The following TMEM132E variants were observed in gnomAD, a reference collection of about 807,000 sequenced individuals.
TMEM132E encodes transmembrane protein 132E.
TMEM132E carries 49 observed loss-of-function variants against 78.5 expected under a neutral mutation model. The ratio of observed to expected loss-of-function variants is 0.62; its 90% CI spans 0.50 to 0.79. The LOEUF (loss-of-function observed/expected upper bound fraction) is 0.79, where lower values mean the gene tolerates loss of function less well. Ranked by LOEUF, TMEM132E falls within the 30% of genes least tolerant of loss-of-function variation. The pLI, the probability that TMEM132E is intolerant of heterozygous loss-of-function variation, is 0.00. For missense variants in TMEM132E, 1,403 were observed against 1,470.9 expected (o/e 0.95, Z 0.75); for synonymous variants, 715 against 670.6 (o/e 1.07, Z -1.02).
chr17:34,630,049 A>C lies in TMEM132E; in HGVS notation c.1380A>C (p.Thr460=), dbSNP rs1387401922. The change falls in exon 5 of 9, where the codon ACA becomes ACC. Residue 460 remains threonine, a synonymous_variant. Coordinates refer to ENST00000631683, the MANE Select transcript of TMEM132E (RefSeq NM_001304438.2). The part of the protein sequence containing the change: ...IINTAILTGR[T]VAIPVKVIAI... ...ACACGGCCATTCTGACTGGCCGGAC[A>C]GTGGCCATCCCTGTCAAGGTCATTG... is the stretch of plus-strand genomic sequence containing the variant. 2 of 1,612,926 alleles carry C rather than the reference A, an allele frequency of 1.2e-6. No homozygotes were observed. The highest frequency in any genetic ancestry group is 1.7e-5 in the Admixed American group (1 of 59,978).
intron 1 of TMEM132E, among the ~76,000 whole-genome samples, chr17:34,586,594 A>G (rs1185760576): frequency 6.6e-6 from 1 of 152,140 alleles, no homozygotes; most frequent in Non-Finnish European, 1.5e-5. Context: ...GTCCGAGTCC[A>G]GGCATCATTA....
chr17:34,608,374 T>C (rs1906484398), intron 1 of TMEM132E, among the ~76,000 whole-genome samples: 1 of 152,198 alleles, frequency 6.6e-6, no homozygotes, highest in Non-Finnish European at 1.5e-5. Context: ...CTAGCGATGA[T>C]CTTGCACATG....
chr17:34,599,394 G>T (rs971042212), intron 1 of TMEM132E, among the ~76,000 whole-genome samples: 2 of 152,220 alleles, frequency 1.3e-5, no homozygotes, highest in Non-Finnish European at 2.9e-5. Flanking sequence ...CACCTTCAGG[G>T]CTGGTTTATC....
In TMEM132E at chr17:34,638,716, T is replaced by C. The variant is rs553237896; in HGVS notation, c.*484T>C. 1.1e-3 allele frequency: 167 copies of C among 154,446 alleles called. No homozygotes were observed. The Middle Eastern group carries it at 0.014, about 12-fold the overall frequency. The allele number at this position is 154,446 out of a possible 1,614,324, so 9.6% of individuals were successfully genotyped here. On this transcript the variant is annotated 3_prime_UTR_variant, in exon 9 of 9. Coordinates refer to ENST00000631683, the MANE Select transcript of TMEM132E (RefSeq NM_001304438.2). ...ATTCAGGGATTTCTGTCCTGCAGGG[T>C]GGGGAGGTGGCAGCTGCCTGCCCTG...
In TMEM132E at chr17:34,613,205, ACACACACG is replaced by A. The variant is rs1567716001; in HGVS notation, c.68-12920_68-12913del. Among the ~76,000 whole-genome samples the A allele has an allele frequency of 7.0e-3, 725 of 103,574 alleles. 10 individuals are homozygous for A. Among genetic ancestry groups the A allele is most frequent in the African/African-American group, 0.021 (678 of 32,758 alleles). 67.9% of individuals were successfully genotyped at this position (103,574 alleles called of 152,430 possible). ...CACACACACACACACACCCACACAC[ACACACACG>A]CGCGCGCGCGCGCGTTCTTACATTC... is the stretch of plus-strand genomic sequence containing the variant. On this transcript the variant is annotated intron_variant, in intron 1 of 8. Coordinates refer to ENST00000631683, the MANE Select transcript of TMEM132E (RefSeq NM_001304438.2).
At chr17:34,636,868 A>C (rs1907538452) in intron 8 of TMEM132E, among the ~76,000 whole-genome samples, 1 of 152,242 alleles carries the variant, frequency 6.6e-6, no homozygotes, top group Admixed American at 6.5e-5. Flanking sequence ...CTTGAATTAG[A>C]CCCAAGGCAA....
At chr17:34,583,514 C>T (rs1250260322) in intron 1 of TMEM132E, among the ~76,000 whole-genome samples, 1 of 152,234 alleles carries the variant, frequency 6.6e-6, no homozygotes, top group African/African-American at 2.4e-5. Flanking sequence ...ACGTAGCCAC[C>T]CCTTCCCTCT....
rs1444102041 is a variant in TMEM132E at position 34,626,585 on chromosome 17, G to C, written c.526G>C (p.Val176Leu). The change falls in exon 2 of 9, where the codon GTC becomes CTC. Residue 176 changes from valine (V) to leucine (L), a missense_variant. Around this residue, in one of 3 missense-constraint regions of TMEM132E, gnomAD observed 511 missense variants for 499.0 expected, o/e 1.02. Coordinates refer to ENST00000631683, the MANE Select transcript of TMEM132E (RefSeq NM_001304438.2). ...RLHAFRDARE[V>L]KSSCRLSGGL... ...GCATGCCTTCCGGGATGCCCGGGAA[G>C]TCAAGAGCTCCTGCCGCCTCAGCGG... is the stretch of plus-strand genomic sequence containing the variant. 6.4e-7 allele frequency: 1 copy of C among 1,559,772 alleles called. No homozygotes were observed. Among genetic ancestry groups the C allele is most frequent in the East Asian group, 2.3e-5 (1 of 44,222 alleles).
chr17:34,586,792 A>G (rs776780337), intron 1 of TMEM132E, among the ~76,000 whole-genome samples: 1 of 119,882 alleles, frequency 8.3e-6, no homozygotes, highest in Non-Finnish European at 1.7e-5. Flanking sequence ...GAGTGCAAGG[A>G]TGAATAATTC....
chr17:34,632,542 G>A lies in TMEM132E; in HGVS notation c.1483-162G>A, dbSNP rs555762077. Among the ~76,000 whole-genome samples the A allele has an allele frequency of 3.9e-5, 6 of 152,360 alleles. No homozygotes were observed. In the East Asian group the frequency reaches 1.2e-3, roughly 29 times the overall value. On this transcript the variant is annotated intron_variant, in intron 5 of 8. Transcript: ENST00000631683. ...AGAAAGAGCAGAAGCAGTGATAGAAGCCAGGACTCCCAGAGGAATCAGTGC... is the reference window on the plus strand; with the variant it reads ...AGAAAGAGCAGAAGCAGTGATAGAAACCAGGACTCCCAGAGGAATCAGTGC...
intron 1 of TMEM132E, among the ~76,000 whole-genome samples, chr17:34,609,876 T>C (rs1906531289): frequency 6.6e-6 from 1 of 152,188 alleles, no homozygotes. Context: ...TCAAAGCCCT[T>C]TGTTCTCTTG....
chr17:34,594,708 G>A (rs563038018), intron 1 of TMEM132E, among the ~76,000 whole-genome samples: 1 of 152,330 alleles, frequency 6.6e-6, no homozygotes, highest in African/African-American at 2.4e-5. Flanking sequence ...TCCTGCCTCA[G>A]CCTCCTGAGT....
chr17:34,632,157 C>T (rs1040368396), intron 5 of TMEM132E, among the ~76,000 whole-genome samples: 1 of 152,308 alleles, frequency 6.6e-6, no homozygotes. Flanking sequence ...GGTTAAGCAG[C>T]CCCCCTCACC....
intron 1 of TMEM132E, among the ~76,000 whole-genome samples, chr17:34,581,464 C>G (rs552964057): frequency 3.9e-5 from 6 of 152,102 alleles, no homozygotes; most frequent in South Asian, 2.1e-4. Flanking sequence ...AGGGATCCTC[C>G]GGATCGCGTC....
Position 34,626,346 on chromosome 17 carries a change from C to T in TMEM132E, c.287C>T (p.Pro96Leu). 6.2e-7 allele frequency: 1 copy of T among 1,613,134 alleles called. No homozygotes were observed. Residue 96 changes from proline (P) to leucine (L), a missense_variant, in exon 2 of 9, where the codon CCC becomes CTC. Physicochemically the swap from Pro to Leu is moderately conservative, Grantham distance 98 (BLOSUM62 -3). This residue lies in a region of TMEM132E where 511 missense variants were observed against 499.0 expected (regional missense o/e 1.02). Transcript: ENST00000631683. The stretch of plus-strand genomic sequence containing the variant: ...CCGGTCCTCAACGTCTCTCTGGGGC[C>T]CTTCAGCACCAGCCAGGTGGTGGCG... ...ELPVLNVSLG[P>L]FSTSQVVARE...
At position 34,638,370 on chromosome 17, in the gene TMEM132E, T is replaced by C. The variant is rs941731745; in HGVS notation, c.*138T>C. 5 of 994,028 alleles carry C rather than the reference T, an allele frequency of 5.0e-6. No homozygotes were observed. Among genetic ancestry groups the C allele is most frequent in the Non-Finnish European group, 7.1e-6 (5 of 700,906 alleles). 61.6% of individuals were successfully genotyped at this position (994,028 alleles called of 1,614,324 possible). A position where few individuals can be genotyped will look rare whatever the true frequency, so the allele number is the denominator to read the frequency against. On this transcript the variant is annotated 3_prime_UTR_variant, in exon 9 of 9. Transcript: ENST00000631683. ...TCCCTGCCCCTGCAGCTTGGCTCCG[T>C]GCGGAGCGGGCCGCCTCAGTGTCTG...
At chr17:34,635,902 C>A in intron 7 of TMEM132E, 105 bp from the exon 8 acceptor site, 1 of 1,187,424 alleles carries the variant, frequency 8.4e-7, no homozygotes, top group Non-Finnish European at 1.1e-6. Context: ...CCTCACCCTT[C>A]AGGCCCCTCT....
intron 5 of TMEM132E, among the ~76,000 whole-genome samples, chr17:34,632,180 C>A (rs1307949836): frequency 6.6e-6 from 1 of 152,236 alleles, no homozygotes; most frequent in East Asian, 1.9e-4. Flanking sequence ...AAATTAACTA[C>A]CTGCCCATTC....
At chr17:34,610,243 A>G (rs993313408) in intron 1 of TMEM132E, among the ~76,000 whole-genome samples, 2 of 152,154 alleles carry the variant, frequency 1.3e-5, no homozygotes, top group Non-Finnish European at 2.9e-5. Context: ...AAGGGCAGAA[A>G]CTATCTTCTT....
Sources: gnomAD v4.1 joint callset for allele counts (sites outside exome capture counted in the v4.1 genomes callset) on GRCh38, gnomAD v4.1.1 for gene constraint, gnomAD v4.1.1 regional missense constraint, MANE v1.5 for transcripts, NCBI Gene and HGNC (gene_info 2026-07-23, HGNC 2026-07-21) for gene names.